Variants in ITPK1 observed in about 807,000 individuals in gnomAD.
ITPK1 encodes the protein inositol-tetrakisphosphate 1-kinase, also known as inositol 1,3,4-trisphosphate 5/6-kinase.
Under a neutral mutation model 45.3 loss-of-function variants are expected in ITPK1, and 21 were observed. The ratio of observed to expected loss-of-function variants is 0.46; its 90% confidence interval spans 0.33 to 0.67. The LOEUF is 0.67. ITPK1 is among the 30% of genes least tolerant of loss of function. The probability of loss-of-function intolerance (pLI) is 0.02; values close to 1 mark genes in which losing one functional copy is unlikely to be tolerated. For missense variants in ITPK1, 474 were observed against 573.5 expected (o/e 0.83, Z 1.77); for synonymous variants, 258 against 253.6 (o/e 1.02, Z -0.16).
In ITPK1 at chr14:92,939,600, C is replaced by A. The variant is rs1322272794; in HGVS notation, c.*1961G>T. 1 of 815,300 alleles carries A rather than the reference C, an allele frequency of 1.2e-6. No individual in the cohort carries two copies. Among genetic ancestry groups the A allele is most frequent in the Non-Finnish European group, 1.5e-6 (1 of 674,692 alleles). The allele number at this position is 815,300 out of a possible 1,614,324, so 50.5% of individuals were successfully genotyped here. A position where few individuals can be genotyped will look rare whatever the true frequency, so the allele number is the denominator to read the frequency against. ...CTGCACACCCACAGCCCCGCCCCCG[C>A]CCCACCACGGAGGCCTATGGACGCC... On this transcript the variant is annotated 3_prime_UTR_variant, in exon 11 of 11. Transcript: ENST00000267615.
At chr14:93,075,764 CT>C (rs1891196221) in intron 3 of ITPK1, among the ~76,000 whole-genome samples, 1 of 152,220 alleles carries the variant, frequency 6.6e-6, no homozygotes, top group Admixed American at 6.5e-5. Context: ...CTCCACTGCC[CT>C]GATCTAGTCC....
chr14:92,949,175 C>A (rs1275433286), intron 9 of ITPK1, among the ~76,000 whole-genome samples: 1 of 152,044 alleles, frequency 6.6e-6, no homozygotes, highest in Non-Finnish European at 1.5e-5. Flanking sequence ...CTCACCGCAG[C>A]CTCGACCTTC....
chr14:93,098,500 C>T (rs779160731), intron 2 of ITPK1, among the ~76,000 whole-genome samples: 5 of 151,192 alleles, frequency 3.3e-5, no homozygotes, highest in Middle Eastern at 3.2e-3. Context: ...TGGTGGTGGG[C>T]GCCTGTAACC....
At chr14:92,983,895 T>C (rs1886357454) in intron 5 of ITPK1, among the ~76,000 whole-genome samples, 1 of 151,762 alleles carries the variant, frequency 6.6e-6, no homozygotes, top group African/African-American at 2.4e-5. Flanking sequence ...CATTCATGTA[T>C]GGAAATATTA....
intron 5 of ITPK1, among the ~76,000 whole-genome samples, chr14:92,982,017 G>A (rs757776323): frequency 1.1e-4 from 17 of 152,226 alleles, no homozygotes; most frequent in Non-Finnish European, 2.4e-4. Context: ...TGGAGTGCAG[G>A]GGCAGTATGA....
rs534874216 is a variant in ITPK1, at chr14:93,063,665, C to A, written c.120+12930G>T. Among the ~76,000 whole-genome samples the A allele has an allele frequency of 2.0e-5, 3 of 152,312 alleles. No homozygotes were observed. Among genetic ancestry groups the A allele is most frequent in the South Asian group, 4.1e-4 (2 of 4,832 alleles). On this transcript the variant is annotated intron_variant, in intron 3 of 10. Coordinates refer to ENST00000267615, the MANE Select transcript of ITPK1 (RefSeq NM_014216.6). This position sits in a 1 kb window ranked among gnomAD's most constrained non-coding sequence, Gnocchi z 4.3. ...TAGGGAGGAGTCACTGGACTCTCAC[C>A]AGGCAGGCAGTCTTCGGAGCAGAAG...
At chr14:93,047,317 G>C (rs1287978892) in intron 3 of ITPK1, among the ~76,000 whole-genome samples, 1 of 152,236 alleles carries the variant, frequency 6.6e-6, no homozygotes, top group Non-Finnish European at 1.5e-5. Context: ...CCCAAGGACA[G>C]GTGTCATGGG....
intron 4 of ITPK1, among the ~76,000 whole-genome samples, chr14:93,005,395 G>A (rs1887560748): frequency 6.6e-6 from 1 of 152,224 alleles, no homozygotes; most frequent in Non-Finnish European, 1.5e-5. Flanking sequence ...AGAGAAAAGT[G>A]AAGTTTGAGA....
rs1331362867 is a variant in ITPK1, at chr14:92,958,921, A to G, written c.505-555T>C. 2.0e-5 allele frequency among the ~76,000 whole-genome samples: 3 copies of G among 152,160 alleles called. No homozygotes were observed. The highest frequency in any genetic ancestry group is 2.9e-5 in the Non-Finnish European group (2 of 68,022). On this transcript the variant is annotated intron_variant, in intron 7 of 10. Transcript: ENST00000267615. This position sits in a 1 kb window ranked among gnomAD's most constrained non-coding sequence, Gnocchi z 4.4. ...CAATGCACATCTGAGGTGAGCATACAACCTTTCACAGATGAGGACGATGAG... is the reference window on the plus strand; with the variant it reads ...CAATGCACATCTGAGGTGAGCATACGACCTTTCACAGATGAGGACGATGAG...
Position 92,973,178 on chromosome 14 carries a change from T to C in ITPK1, c.365-10329A>G, listed in dbSNP as rs569309522. 2.0e-5 allele frequency among the ~76,000 whole-genome samples: 3 copies of C among 152,360 alleles called. No homozygotes were observed. The South Asian group carries it at 6.2e-4, about 32-fold the overall frequency. On this transcript the variant is annotated intron_variant, in intron 5 of 10. Coordinates refer to ENST00000267615, the MANE Select transcript of ITPK1 (RefSeq NM_014216.6). ...GTTTTGTTGTTTACCTCTTGTACGC[T>C]ATTAAATTTTCATATATGGGTTCTG...
chr14:93,068,395 G>A (rs1013346994), intron 3 of ITPK1: 1 of 152,352 alleles, frequency 6.6e-6, no homozygotes, highest in African/African-American at 2.4e-5. Flanking sequence ...GGGGTCTGGG[G>A]AGAGGTCAGA....
intron 4 of ITPK1, among the ~76,000 whole-genome samples, chr14:92,995,039 G>A (rs1357211047): frequency 1.3e-5 from 2 of 152,212 alleles, no homozygotes; most frequent in East Asian, 3.9e-4. Flanking sequence ...TACAAGCCAA[G>A]GAGGGTGGAA....
At chr14:93,092,726 A>G (rs1217306242) in intron 2 of ITPK1, among the ~76,000 whole-genome samples, 2 of 152,214 alleles carry the variant, frequency 1.3e-5, no homozygotes. Flanking sequence ...GCTGGGCCTA[A>G]TGTGGTCCTG....
chr14:93,029,660 C>T (rs1165968851), intron 3 of ITPK1, among the ~76,000 whole-genome samples: 1 of 152,156 alleles, frequency 6.6e-6, no homozygotes, highest in Non-Finnish European at 1.5e-5. Flanking sequence ...GCTCTGACAA[C>T]AAGCACACAA....
At chr14:92,971,644 C>T (rs1025652347) in intron 5 of ITPK1, among the ~76,000 whole-genome samples, 2 of 152,212 alleles carry the variant, frequency 1.3e-5, no homozygotes, top group East Asian at 3.8e-4. Context: ...GCCAGGGAAG[C>T]CAGGGACACT....
chr14:92,968,453 T>C (rs1416639416), intron 5 of ITPK1, among the ~76,000 whole-genome samples: 1 of 152,156 alleles, frequency 6.6e-6, no homozygotes, highest in Admixed American at 6.5e-5. Context: ...CTGGGCTAAG[T>C]AAATGCTTCA....
chr14:93,097,665 T>C (rs931111570), intron 2 of ITPK1, among the ~76,000 whole-genome samples: 3 of 152,194 alleles, frequency 2.0e-5, no homozygotes, highest in Non-Finnish European at 4.4e-5. Flanking sequence ...AAGGAAGACA[T>C]TTATATTCAC....
In ITPK1 at chr14:93,066,320, A is replaced by ATGTGTG. The variant is rs755050138; in HGVS notation, c.120+10269_120+10274dup. 15 of 421,226 alleles carry ATGTGTG rather than the reference A, an allele frequency of 3.6e-5. No individual in the cohort carries two copies. In the East Asian group the frequency reaches 5.3e-4, roughly 15 times the overall value. The allele number at this position is 421,226 out of a possible 1,614,324, so 26.1% of individuals were successfully genotyped here. ...TGTGCGCGTGCATGTGTGTGTGTGT[A>ATGTGTG]TGTGTGTGTGTGTGTGTGTGTAGGG... On this transcript the variant is annotated intron_variant, in intron 3 of 10. Transcript: ENST00000267615.
chr14:93,096,468 A>G (rs776983246), intron 2 of ITPK1, among the ~76,000 whole-genome samples: 29 of 152,260 alleles, frequency 1.9e-4, no homozygotes, highest in Non-Finnish European at 3.8e-4. Context: ...TCACTTGGCC[A>G]CATGCACCAC....
Sources: allele counts gnomAD v4.1 joint callset (sites outside exome capture counted in the v4.1 genomes callset), GRCh38; gene constraint gnomAD v4.1.1; non-coding constraint Gnocchi (gnomAD v3.1); transcripts MANE v1.5; gene names NCBI Gene and HGNC (gene_info 2026-07-23, HGNC 2026-07-21).